The following USP32 variants were observed in gnomAD, a reference collection of about 807,000 sequenced individuals.
The protein encoded by USP32 is ubiquitin carboxyl-terminal hydrolase 32.
USP32 carries 59 observed loss-of-function variants against 204.8 expected under a neutral mutation model. The observed-to-expected ratio is 0.29, with a 90% CI of 0.23 to 0.36. USP32 has a LOEUF of 0.36. Among genes scored for constraint, USP32 ranks in the 10% least tolerant of loss-of-function variants. The pLI, the probability that USP32 is intolerant of heterozygous loss-of-function variation, is 1.00. For synonymous variants in USP32, 517 were observed against 678.4 expected (o/e 0.76, Z 3.70); for missense variants, 1,160 against 1,946.4 (o/e 0.60, Z 7.60).
In USP32 at chr17:60,354,467, G is replaced by A. The variant is rs1441626839; in HGVS notation, c.59-8859C>T. Among the ~76,000 whole-genome samples the A allele has an allele frequency of 2.6e-5, 4 of 151,990 alleles. No individual in the cohort carries two copies. In the East Asian group the frequency reaches 7.7e-4, roughly 29 times the overall value. ...GAAATATGCCTTTCACTGCCAAAGTGGGCTAAGAATTTACAAACCTAGGAC... is the reference window on the plus strand; with the variant it reads ...GAAATATGCCTTTCACTGCCAAAGTAGGCTAAGAATTTACAAACCTAGGAC... On this transcript the variant is annotated intron_variant, in intron 1 of 33. Transcript: ENST00000300896.
At chr17:60,349,626 A>ATAT (rs2088893921) in intron 1 of USP32, among the ~76,000 whole-genome samples, 1 of 76,274 alleles carries the variant, frequency 1.3e-5, no homozygotes, top group Non-Finnish European at 2.2e-5. Flanking sequence ...TATATATATT[A>ATAT]TATATATATA....
intron 1 of USP32, chr17:60,421,797 G>A: frequency 1.0e-6 from 1 of 955,242 alleles, no homozygotes; most frequent in Non-Finnish European, 1.2e-6. Context: ...CGGGTAGGAA[G>A]AGTCGGGGTG....
Position 60,288,549 on chromosome 17 carries a change from T to C in USP32, c.545A>G (p.Tyr182Cys). 1 of 1,605,042 alleles carries C rather than the reference T, an allele frequency of 6.2e-7. No homozygotes were observed. Among genetic ancestry groups the C allele is most frequent in the Non-Finnish European group, 8.5e-7 (1 of 1,177,294 alleles). ...LTDDSDTPTF[Y>C]QTLAGVTHLE... ...ATGTGTGACTCCAGCCAGAGTTTGG[T>C]AGAAAGTAGGAGTATCACTATCATC... Residue 182 changes from tyrosine (Y) to cysteine (C), a missense_variant, in exon 5 of 34, where the codon TAC (tyrosine) becomes TGC (cysteine). Physicochemically the swap from Tyr to Cys is radical, Grantham distance 194 (BLOSUM62 -2). This residue lies in a region of USP32 where 536 missense variants were observed against 680.9 expected (regional missense o/e 0.79). Transcript: ENST00000300896.
At chr17:60,206,429 C>T (rs1434926706) in intron 25 of USP32, among the ~76,000 whole-genome samples, 1 of 149,402 alleles carries the variant, frequency 6.7e-6, no homozygotes, top group Non-Finnish European at 1.5e-5. Context: ...TATTGGATGG[C>T]AAAGATCACA....
At chr17:60,316,059 G>T (rs542247237) in intron 2 of USP32, 45 of 199,340 alleles carry the variant, frequency 2.3e-4, no homozygotes, top group African/African-American at 6.6e-4. Flanking sequence ...CTTCAAAACA[G>T]ATCTGTGCTT....
intron 1 of USP32, among the ~76,000 whole-genome samples, chr17:60,356,739 C>T (rs2089087967): frequency 6.6e-6 from 1 of 152,146 alleles, no homozygotes; most frequent in South Asian, 2.1e-4. Context: ...TAAAATGTCT[C>T]ATTTTCAACA....
chr17:60,213,999 G>A (rs1319663241), intron 17 of USP32, among the ~76,000 whole-genome samples: 1 of 150,604 alleles, frequency 6.6e-6, no homozygotes, highest in Non-Finnish European at 1.5e-5. Flanking sequence ...CTGGAGTATA[G>A]TGGCACTATC....
chr17:60,346,881 C>T (rs1358720774), intron 1 of USP32, among the ~76,000 whole-genome samples: 1 of 152,160 alleles, frequency 6.6e-6, no homozygotes, highest in Admixed American at 6.5e-5. Flanking sequence ...AAGTATCTTA[C>T]TACAGCAAAG....
At chr17:60,270,533 G>GT (rs1343113468) in intron 6 of USP32, among the ~76,000 whole-genome samples, 1 of 152,094 alleles carries the variant, frequency 6.6e-6, no homozygotes, top group Non-Finnish European at 1.5e-5. Context: ...TTTTAAAAAA[G>GT]TAACAGCAGA....
chr17:60,332,450 C>G (rs1160214808), intron 2 of USP32, among the ~76,000 whole-genome samples: 1 of 151,842 alleles, frequency 6.6e-6, no homozygotes, highest in Non-Finnish European at 1.5e-5. Flanking sequence ...GAGTTTGAGA[C>G]CAGCCTGGCC....
At chr17:60,356,119 T>C (rs968230479) in intron 1 of USP32, among the ~76,000 whole-genome samples, 1 of 152,168 alleles carries the variant, frequency 6.6e-6, no homozygotes, top group Non-Finnish European at 1.5e-5. Flanking sequence ...TTCTCAAGCT[T>C]TGTCTTTATT....
intron 3 of USP32, among the ~76,000 whole-genome samples, chr17:60,301,242 TAAC>T (rs1332887563): frequency 6.6e-6 from 1 of 152,200 alleles, no homozygotes; most frequent in Non-Finnish European, 1.5e-5. Context: ...GGACACACAG[TAAC>T]AACGTTTAAC....
rs547807150 is a variant in USP32 at position 60,332,230 on chromosome 17, G to A, written c.186+13251C>T. Among the ~76,000 whole-genome samples the A allele has an allele frequency of 3.9e-5, 6 of 152,250 alleles. No homozygotes were observed. The East Asian group carries it at 9.7e-4, about 25-fold the overall frequency. ...CAGAGATCACGCCACTCCAGCCTGGGTGACAGAGCGAGATGCTGTCTCAAG... is the reference window on the plus strand; with the variant it reads ...CAGAGATCACGCCACTCCAGCCTGGATGACAGAGCGAGATGCTGTCTCAAG... On this transcript the variant is annotated intron_variant, in intron 2 of 33. Coordinates refer to ENST00000300896, the MANE Select transcript of USP32 (RefSeq NM_032582.4).
chr17:60,281,302 G>A (rs754949506), intron 5 of USP32, among the ~76,000 whole-genome samples: 1 of 152,264 alleles, frequency 6.6e-6, no homozygotes, highest in Non-Finnish European at 1.5e-5. Context: ...ACTTCGGGAG[G>A]CCGAGGCGGA....
intron 11 of USP32, among the ~76,000 whole-genome samples, chr17:60,241,333 G>C (rs1056247091): frequency 1.3e-5 from 2 of 152,124 alleles, no homozygotes; most frequent in Non-Finnish European, 2.9e-5. Flanking sequence ...GGTATGTTCT[G>C]CTCTCTCTGA....
At chr17:60,249,253 C>G (rs2086109579) in intron 11 of USP32, 1 of 153,114 alleles carries the variant, frequency 6.5e-6, no homozygotes, top group Non-Finnish European at 1.5e-5. Flanking sequence ...AGGTTACAAG[C>G]CTACCCTGGC....
intron 2 of USP32, among the ~76,000 whole-genome samples, chr17:60,332,122 G>A (rs1024861927): frequency 2.6e-5 from 4 of 151,972 alleles, no homozygotes; most frequent in African/African-American, 7.3e-5. Flanking sequence ...GCTGGGCATG[G>A]TGGTGCATGC....
chr17:60,394,861 A>G (rs2089889327), upstream of USP32, among the ~76,000 whole-genome samples: 1 of 152,084 alleles, frequency 6.6e-6, no homozygotes, highest in African/African-American at 2.4e-5. Context: ...CTCCTGCCTC[A>G]GCCTCCTGGG....
At chr17:60,217,326 CA>C in intron 16 of USP32, among the ~76,000 whole-genome samples, 1 of 152,294 alleles carries the variant, frequency 6.6e-6, no homozygotes. Context: ...GACAGAGTCT[CA>C]CTCTGTTGCC....
Sources: gnomAD v4.1 joint callset for allele counts (sites outside exome capture counted in the v4.1 genomes callset) on GRCh38, gnomAD v4.1.1 for gene constraint, gnomAD v4.1.1 regional missense constraint, MANE v1.5 for transcripts, NCBI Gene and HGNC (gene_info 2026-07-23, HGNC 2026-07-21) for gene names.